The following SAYSD1 variants were observed in gnomAD, a reference collection of about 807,000 sequenced individuals.
SAYSD1 encodes the protein SAYSVFN motif domain containing 1.
Under a neutral mutation model 14.5 loss-of-function variants are expected in SAYSD1, and 15 were observed. The ratio of observed to expected loss-of-function variants is 1.03; its 90% CI spans 0.69 to 1.59. SAYSD1 has a LOEUF of 1.59. SAYSD1 is among the 40% of genes most tolerant of loss of function. The pLI is 0.00. For missense variants in SAYSD1, 247 were observed against 227.3 expected, an observed-to-expected ratio of 1.09 and a Z score of -0.56; for synonymous variants, 105 against 102.6, an observed-to-expected ratio of 1.02 and a Z score of -0.14.
At chr6:39,112,680 C>A (rs916947960) in intron 1 of SAYSD1, 14 of 152,160 alleles carry the variant, frequency 9.2e-5, no homozygotes, top group African/African-American at 3.4e-4. Flanking sequence ...AGTGGGACTA[C>A]GTAGAGGAGA....
chr6:39,107,533 T>G (rs1769528984), intron 1 of SAYSD1, among the ~76,000 whole-genome samples: 1 of 152,240 alleles, frequency 6.6e-6, no homozygotes, highest in Non-Finnish European at 1.5e-5. Context: ...GTTCATCTCT[T>G]CAGTTACATC....
intron 1 of SAYSD1, chr6:39,113,845 G>T (rs1287211088): frequency 6.6e-6 from 1 of 152,182 alleles, no homozygotes; most frequent in Non-Finnish European, 1.5e-5. Context: ...ACAAGGAAAT[G>T]GATTGTCTGA....
At chr6:39,106,678 C>G (rs143074938) in intron 1 of SAYSD1, among the ~76,000 whole-genome samples, 1 of 152,312 alleles carries the variant, frequency 6.6e-6, no homozygotes, top group African/African-American at 2.4e-5. Flanking sequence ...CCTCCCCAAG[C>G]CATCCTATGT....
In SAYSD1 at chr6:39,114,929, C is replaced by T. The variant is rs1769710734; in HGVS notation, c.161G>A (p.Trp54Ter). 6.2e-7 allele frequency: 1 copy of T among 1,613,486 alleles called. No homozygotes were observed. Among genetic ancestry groups the T allele is most frequent in the South Asian group, 1.1e-5 (1 of 91,070 alleles). ...CCGGGCACTCGCGGGCCTAGGTTTC[C>T]ATACCAGGAACCGCTTTAGCCAGCC... ...APGWLKRFLV[W>*]KPRPASARAQ... Residue 54 changes from tryptophan to a stop codon, truncating the protein, a stop_gained, in exon 1 of 2, where the codon TGG becomes TAG. Coordinates refer to ENST00000229903, the MANE Select transcript of SAYSD1 (RefSeq NM_018322.3). LOFTEE classifies it low-confidence loss of function (END_TRUNC).
rs1238757374 is a variant in SAYSD1 at position 39,114,942 on chromosome 6, G to A, written c.148C>T (p.Arg50Trp). The A allele has an allele frequency of 4.3e-6, 7 of 1,613,636 alleles. No individual in the cohort carries two copies. Among genetic ancestry groups the A allele is most frequent in the Non-Finnish European group, 5.9e-6 (7 of 1,179,916 alleles). The change falls in exon 1 of 2, where the codon CGG becomes TGG. Residue 50 changes from arginine to tryptophan, a missense_variant. By Grantham distance (101) the Arg-to-Trp change is moderately radical. Transcript: ENST00000229903. ...GGCCTAGGTTTCCATACCAGGAACC[G>A]CTTTAGCCAGCCTGGGGCTGCCTTT... ...TLKAAPGWLK[R>W]FLVWKPRPAS...
At chr6:39,114,123 G>A (rs1242913247) in intron 1 of SAYSD1, among the ~76,000 whole-genome samples, 5 of 152,212 alleles carry the variant, frequency 3.3e-5, no homozygotes, top group African/African-American at 4.8e-5. Context: ...TTGTTACAAA[G>A]CACTCATCCC....
At chr6:39,111,034 A>AT (rs1327211651) in intron 1 of SAYSD1, 2 of 152,228 alleles carry the variant, frequency 1.3e-5, no homozygotes, top group East Asian at 3.8e-4. Context: ...TGCATTCAGT[A>AT]TTTAAAAAAA....
At chr6:39,112,647 T>C (rs139541926) in intron 1 of SAYSD1, 90 of 152,380 alleles carry the variant, frequency 5.9e-4, no homozygotes, top group African/African-American at 2.0e-3. Flanking sequence ...CAAAAGGACC[T>C]AAGCCAAGTA....
At chr6:39,112,330 G>C (rs565975599) in intron 1 of SAYSD1, 2 of 154,170 alleles carry the variant, frequency 1.3e-5, no homozygotes, top group African/African-American at 2.4e-5. Flanking sequence ...AGTCTAAACT[G>C]GAGAAGGAAA....
intron 1 of SAYSD1, chr6:39,113,816 CAATT>C (rs1477140431): frequency 4.6e-5 from 7 of 152,220 alleles, no homozygotes; most frequent in African/African-American, 1.4e-4. Context: ...TATCCAAAGA[CAATT>C]AACACAAACT....
Position 39,105,218 on chromosome 6 carries a change from C to A in SAYSD1, c.*214G>T. On this transcript the variant is annotated 3_prime_UTR_variant, in exon 2 of 2. Coordinates refer to ENST00000229903, the MANE Select transcript of SAYSD1 (RefSeq NM_018322.3). ...TTGAGTACATAATTTTTATAAATTGCGTCGGACCCACAGTGAATGTATTTT... is the reference window on the plus strand; with the variant it reads ...TTGAGTACATAATTTTTATAAATTGAGTCGGACCCACAGTGAATGTATTTT... The A allele has an allele frequency of 1.9e-6, 1 of 540,484 alleles. No individual in the cohort carries two copies. The highest frequency in any genetic ancestry group is 2.4e-5 in the South Asian group (1 of 42,542). 33.5% of individuals were successfully genotyped at this position (540,484 alleles called of 1,614,324 possible).
At chr6:39,114,102 C>T (rs902705054) in intron 1 of SAYSD1, among the ~76,000 whole-genome samples, 14 of 152,176 alleles carry the variant, frequency 9.2e-5, no homozygotes, top group Non-Finnish European at 1.9e-4. Flanking sequence ...GAACAAAGCA[C>T]TGGGCACAAA....
At chr6:39,111,407 C>A (rs185081387) in intron 1 of SAYSD1, 1 of 151,340 alleles carries the variant, frequency 6.6e-6, no homozygotes, top group East Asian at 1.9e-4. Flanking sequence ...AAAAAAGTAT[C>A]AAAAAAACGT....
chr6:39,109,016 C>G (rs1282876767), intron 1 of SAYSD1, among the ~76,000 whole-genome samples: 1 of 152,180 alleles, frequency 6.6e-6, no homozygotes, highest in African/African-American at 2.4e-5. Context: ...AGAACAAAAG[C>G]TGGAACACAG....
intron 1 of SAYSD1, among the ~76,000 whole-genome samples, chr6:39,108,068 T>C (rs147332659): frequency 0.011 from 1,622 of 152,162 alleles, 11 homozygotes; most frequent in Middle Eastern, 0.027. Flanking sequence ...CAGATGGAAA[T>C]AGTGGACTGA....
In SAYSD1 at chr6:39,109,493, T is replaced by C. The variant is rs760561489; in HGVS notation, c.208-3717A>G. On this transcript the variant is annotated intron_variant, in intron 1 of 1. Transcript: ENST00000229903. The stretch of plus-strand genomic sequence containing the variant: ...GGCCCGGGTCGGGGCAGAGGCATCA[T>C]TGCAGTCAGAGCTTGGCCCAAATGG... The C allele has an allele frequency of 8.7e-6, 13 of 1,491,362 alleles. 1 individual carries two copies. The South Asian group carries it at 9.4e-5, about 11-fold the overall frequency. The allele number at this position is 1,491,362 out of a possible 1,614,324, so 92.4% of individuals were successfully genotyped here. A position where few individuals can be genotyped will look rare whatever the true frequency, so the allele number is the denominator to read the frequency against.
intron 1 of SAYSD1, chr6:39,109,241 T>C (rs1583667343): frequency 3.7e-6 from 5 of 1,358,112 alleles, no homozygotes; most frequent in Admixed American, 3.9e-5. Context: ...GGCAGGGTGG[T>C]GTGCTGGGGG....
intron 1 of SAYSD1, among the ~76,000 whole-genome samples, chr6:39,106,399 C>A (rs551952082): frequency 1.4e-4 from 21 of 151,984 alleles, no homozygotes; most frequent in Non-Finnish European, 2.6e-4. Flanking sequence ...TGGTGGCACA[C>A]GACTGTAATC....
Position 39,115,171 on chromosome 6 carries a change from C to A in SAYSD1, c.-82G>T. 2 of 1,339,848 alleles carry A rather than the reference C, an allele frequency of 1.5e-6. No individual in the cohort carries two copies. Among genetic ancestry groups the A allele is most frequent in the Non-Finnish European group, 2.0e-6 (2 of 1,011,140 alleles). 83.0% of individuals were successfully genotyped at this position (1,339,848 alleles called of 1,614,324 possible). ...GCAGTTGCCTCCGCTCGGCCCGCGC[C>A]GGCCGCCGTGCGCCTGCGTGGCAGA... On this transcript the variant is annotated 5_prime_UTR_variant, in exon 1 of 2. Transcript: ENST00000229903.
Sources: gnomAD v4.1 joint callset for allele counts (sites outside exome capture counted in the v4.1 genomes callset) on GRCh38, gnomAD v4.1.1 for gene constraint, MANE v1.5 for transcripts, NCBI Gene and HGNC (gene_info 2026-07-23, HGNC 2026-07-21) for gene names.